The following ALPI variants were observed in gnomAD, a reference collection of about 807,000 sequenced individuals.
The protein encoded by ALPI is intestinal-type alkaline phosphatase.
Under a neutral mutation model 51.5 loss-of-function variants are expected in ALPI, and 50 were observed. The observed-to-expected ratio is 0.97, with a 90% confidence interval of 0.77 to 1.23. The LOEUF (loss-of-function observed/expected upper bound fraction) is 1.23. ALPI is among the 50% of genes most tolerant of loss of function. The pLI is 0.00. For synonymous variants in ALPI, 322 were observed against 308.2 expected (o/e 1.04, Z -0.47); for missense variants, 692 against 722.4 (o/e 0.96, Z 0.48).
chr2:232,457,329 C>T lies in ALPI; in HGVS notation c.648+7C>T, dbSNP rs536291111. On this transcript the variant is annotated splice_region_variant and intron_variant, in intron 5 of 10. Coordinates refer to ENST00000295463, the MANE Select transcript of ALPI (RefSeq NM_001631.5). This position sits in a 1 kb window ranked among gnomAD's most constrained non-coding sequence, Gnocchi z 4.7. ...CTCCAACATGGACATTGACGTGCGA[C>T]CCCCGGGCCAAGGGCTGGGGCTGGG... 4.4e-6 allele frequency: 7 copies of T among 1,596,190 alleles called. No homozygotes were observed. The highest frequency in any genetic ancestry group is 1.1e-5 in the South Asian group (1 of 87,168).
rs1690289209 is a variant in ALPI at position 232,460,386 on chromosome 2, G to A, written c.*1240G>A. 6.6e-6 allele frequency among the ~76,000 whole-genome samples: 1 copy of A among 151,922 alleles called. No homozygotes were observed. The highest frequency in any genetic ancestry group is 2.1e-4 in the South Asian group (1 of 4,810). Reference sequence around the variant, plus strand: ...GTGACCTGCCCTGGTTGGGAAATAAGCACTCTGGCTGCTGCCAGGAGAAGG... The same window carrying A: ...GTGACCTGCCCTGGTTGGGAAATAAACACTCTGGCTGCTGCCAGGAGAAGG... On this transcript the variant is annotated 3_prime_UTR_variant, in exon 11 of 11. Transcript: ENST00000295463.
At position 232,457,196 on chromosome 2, in the gene ALPI, G is replaced by A. The variant is rs144872496; in HGVS notation, c.522G>A (p.Ser174=). The A allele has an allele frequency of 1.6e-4, 264 of 1,613,438 alleles. No homozygotes were observed. The highest frequency in any genetic ancestry group is 1.2e-3 in the Middle Eastern group (7 of 6,048). Residue 174 remains serine (S), a synonymous_variant, in exon 5 of 11, where the codon TCG becomes TCA. Coordinates refer to ENST00000295463, the MANE Select transcript of ALPI (RefSeq NM_001631.5). The surrounding 1 kb of genome is among the most constrained non-coding windows in gnomAD (Gnocchi z 4.7). ...VVTTTRVQHA[S]PAGTYAHTVN... ...CCACCACACGGGTGCAGCACGCCTC[G>A]CCAGCCGGCACCTACGCACACACAG...
In ALPI at chr2:232,459,086, C is replaced by A. The variant is rs754755606; in HGVS notation, c.1527C>A (p.Ala509=). 22 of 1,542,334 alleles carry A rather than the reference C, an allele frequency of 1.4e-5. No individual in the cohort carries two copies. The highest frequency in any genetic ancestry group is 1.2e-4 in the South Asian group (10 of 83,990). The change falls in exon 11 of 11, where the codon GCC becomes GCA. Residue 509 remains alanine, a synonymous_variant. Coordinates refer to ENST00000295463, the MANE Select transcript of ALPI (RefSeq NM_001631.5). ...CCACCGACGCCGCGCACCCAGTTGC[C>A]GCGTCGCTGCCACTGCTGGCCGGGA... ...ACTTDAAHPV[A]ASLPLLAGTL... is the part of the protein sequence containing the mutation.
Position 232,458,119 on chromosome 2 carries a change from C to A in ALPI, c.978C>A (p.Tyr326Ter), listed in dbSNP as rs1173478901. The change falls in exon 8 of 11, where the codon TAC (tyrosine) becomes TAA (stop). Residue 326 changes from tyrosine to a stop codon, truncating the protein, a stop_gained. Transcript: ENST00000295463. LOFTEE classifies it high-confidence loss of function. The stretch of plus-strand genomic sequence containing the variant: ...TGAGCAGGAACCCCCGCGGCTTCTA[C>A]CTCTTTGTGGAGGGTGCGTGGTGGC... ...RLLSRNPRGF[Y>*]LFVEGGRIDH... 6 of 1,614,024 alleles carry A rather than the reference C, an allele frequency of 3.7e-6. No homozygotes were observed. The Admixed American group carries it at 1.0e-4, about 27-fold the overall frequency.
Position 232,457,340 on chromosome 2 carries a change from A to C in ALPI, c.648+18A>C. 1 of 1,590,434 alleles carries C rather than the reference A, an allele frequency of 6.3e-7. No homozygotes were observed. The highest frequency in any genetic ancestry group is 8.6e-7 in the Non-Finnish European group (1 of 1,168,034). ...ACATTGACGTGCGACCCCCGGGCCA[A>C]GGGCTGGGGCTGGGCAGAGGGGAAG... is the stretch of plus-strand genomic sequence containing the variant. On this transcript the variant is annotated intron_variant, in intron 5 of 10. Coordinates refer to ENST00000295463, the MANE Select transcript of ALPI (RefSeq NM_001631.5). The surrounding 1 kb of genome is among the most constrained non-coding windows in gnomAD (Gnocchi z 4.7).
rs61732026 is a variant in ALPI, at chr2:232,456,379, G to A, written c.98G>A (p.Arg33His). ...AEEENPAFWNRQAAEALDAAK... is the reference protein window; with the variant it reads ...AEEENPAFWNHQAAEALDAAK... ...GAGGAGAACCCGGCCTTCTGGAACCGCCAGGCAGCTGAGGCCCTGGATGCT... is the reference window on the plus strand; with the variant it reads ...GAGGAGAACCCGGCCTTCTGGAACCACCAGGCAGCTGAGGCCCTGGATGCT... The change falls in exon 2 of 11, where the codon CGC becomes CAC. Residue 33 changes from arginine (R) to histidine (H), a missense_variant. Coordinates refer to ENST00000295463, the MANE Select transcript of ALPI (RefSeq NM_001631.5). The surrounding 1 kb of genome is among the most constrained non-coding windows in gnomAD (Gnocchi z 4.2). 10 of 1,614,026 alleles carry A rather than the reference G, an allele frequency of 6.2e-6. No individual in the cohort carries two copies. Among genetic ancestry groups the A allele is most frequent in the Middle Eastern group, 1.6e-4 (1 of 6,062 alleles).
chr2:232,459,523 G>T lies in ALPI; in HGVS notation c.*377G>T. ...ATCCTAAGGAAGACCAAGCAGGCCT[G>T]GACCCAGAGACGTCCCCCATCGTGG... On this transcript the variant is annotated 3_prime_UTR_variant, in exon 11 of 11. Coordinates refer to ENST00000295463, the MANE Select transcript of ALPI (RefSeq NM_001631.5). 4.3e-6 allele frequency: 1 copy of T among 233,142 alleles called. No individual in the cohort carries two copies. The highest frequency in any genetic ancestry group is 8.3e-6 in the Non-Finnish European group (1 of 120,152). The allele number at this position is 233,142 out of a possible 1,614,324, so 14.4% of individuals were successfully genotyped here.
Position 232,458,627 on chromosome 2 carries a change from T to C in ALPI, c.1184-5T>C. 1 of 1,613,366 alleles carries C rather than the reference T, an allele frequency of 6.2e-7. No individual in the cohort carries two copies. The highest frequency in any genetic ancestry group is 1.7e-4 in the Middle Eastern group (1 of 6,060). On this transcript the variant is annotated splice_polypyrimidine_tract_variant and splice_region_variant and intron_variant, in intron 9 of 10. Transcript: ENST00000295463. The stretch of plus-strand genomic sequence containing the variant: ...TCAACTACAGGGACCCGCATCTCCC[T>C]ACAGGGTTGGCCCCCAGCAAGGCTC...
Position 232,457,155 on chromosome 2 carries a change from T to C in ALPI, c.481T>C (p.Ser161Pro), listed in dbSNP as rs1232159721. The C allele has an allele frequency of 1.2e-6, 2 of 1,613,158 alleles. No individual in the cohort carries two copies. Among genetic ancestry groups the C allele is most frequent in the South Asian group, 2.2e-5 (2 of 91,068 alleles). ...CTGACCTCTGTCACCCTCAGGAAAG[T>C]CAGTAGGAGTGGTGACCACCACACG... is the stretch of plus-strand genomic sequence containing the variant. ...VMNRAKQAGKSVGVVTTTRVQ... is the reference protein window; with the variant it reads ...VMNRAKQAGKPVGVVTTTRVQ... The change falls in exon 5 of 11, where the codon TCA (serine) becomes CCA (proline). Residue 161 changes from serine (S) to proline (P), a missense_variant. Physicochemically the swap from Ser to Pro is moderately conservative, Grantham distance 74 (BLOSUM62 -1). Transcript: ENST00000295463. This position sits in a 1 kb window ranked among gnomAD's most constrained non-coding sequence, Gnocchi z 4.7.
In ALPI at chr2:232,458,106, C is replaced by T. The variant is rs1207659360; in HGVS notation, c.965C>T (p.Pro322Leu). Residue 322 changes from proline (P) to leucine (L), a missense_variant, in exon 8 of 11, where the codon CCC (proline) becomes CTC (leucine). Pro to Leu is a moderately conservative substitution (Grantham distance 98). Coordinates refer to ENST00000295463, the MANE Select transcript of ALPI (RefSeq NM_001631.5). ...EAALRLLSRN[P>L]RGFYLFVEGG... ...GCCCTGCGCCTGCTGAGCAGGAACC[C>T]CCGCGGCTTCTACCTCTTTGTGGAG... 6.2e-7 allele frequency: 1 copy of T among 1,614,026 alleles called. No individual in the cohort carries two copies. The highest frequency in any genetic ancestry group is 1.1e-5 in the South Asian group (1 of 91,080).
In ALPI at chr2:232,457,770, C is replaced by A. The variant is rs1360582332; in HGVS notation, c.784-25C>A. The stretch of plus-strand genomic sequence containing the variant: ...AGTGTGTGGGTCTCAGGGCTGTGGG[C>A]TGAAGCCTGGCTCTGTCCCTGCAGG... On this transcript the variant is annotated intron_variant, in intron 6 of 10. Transcript: ENST00000295463. This position sits in a 1 kb window ranked among gnomAD's most constrained non-coding sequence, Gnocchi z 4.7. The A allele has an allele frequency of 6.2e-7, 1 of 1,613,382 alleles. No individual in the cohort carries two copies. Among genetic ancestry groups the A allele is most frequent in the East Asian group, 2.2e-5 (1 of 44,854 alleles).
rs762703199 is a variant in ALPI at position 232,457,045 on chromosome 2, C to T, written c.447C>T (p.Ile149=). 10 of 1,613,584 alleles carry T rather than the reference C, an allele frequency of 6.2e-6. No individual in the cohort carries two copies. In the East Asian group the frequency reaches 2.2e-4, roughly 36 times the overall value. ...ACACGACACGCGGCAATGAGGTCAT[C>T]TCCGTGATGAACCGGGCCAAGCAAG... ...QCNTTRGNEV[I]SVMNRAKQAG... is the part of the protein sequence containing the mutation. The change falls in exon 4 of 11, where the codon ATC becomes ATT. Residue 149 remains isoleucine, a synonymous_variant. Transcript: ENST00000295463. The surrounding 1 kb of genome is among the most constrained non-coding windows in gnomAD (Gnocchi z 4.7).
chr2:232,456,719 T>C lies in ALPI; in HGVS notation c.300+24T>C, dbSNP rs375512663. The C allele has an allele frequency of 6.3e-7, 1 of 1,575,442 alleles. No individual in the cohort carries two copies. The highest frequency in any genetic ancestry group is 1.2e-5 in the South Asian group (1 of 86,018). On this transcript the variant is annotated intron_variant, in intron 3 of 10. Coordinates refer to ENST00000295463, the MANE Select transcript of ALPI (RefSeq NM_001631.5). This position sits in a 1 kb window ranked among gnomAD's most constrained non-coding sequence, Gnocchi z 4.2. The stretch of plus-strand genomic sequence containing the variant: ...AGGTAAGGGCTGGGCCACCTCAGAG[T>C]CCTCCAAGCAGAGGAGAGGGATCAA...
rs777726761 is a variant in ALPI at position 232,456,510 on chromosome 2, G to A, written c.184+45G>A. ...CCAGCCCCGTAGTCCTCACAGCCCC[G>A]GCACCCGGGACCTTCAGTGGTTCCA... On this transcript the variant is annotated intron_variant, in intron 2 of 10. Transcript: ENST00000295463. The surrounding 1 kb of genome is among the most constrained non-coding windows in gnomAD (Gnocchi z 4.2). 5.3e-5 allele frequency: 85 copies of A among 1,611,776 alleles called. No homozygotes were observed. The highest frequency in any genetic ancestry group is 5.1e-4 in the East Asian group (23 of 44,846).
At chr2:232,458,780 A>G (rs1575069151) in intron 10 of ALPI, 32 bp downstream of exon 10, 14 of 1,612,228 alleles carry the variant, frequency 8.7e-6, no homozygotes, top group Non-Finnish European at 1.2e-5. Flanking sequence ...GTGCAGGGGG[A>G]CCAGGGTGCC....
In ALPI at chr2:232,459,015, T is replaced by A; in HGVS notation, c.1456T>A (p.Cys486Ser). 1.9e-6 allele frequency: 3 copies of A among 1,565,290 alleles called. No individual in the cohort carries two copies. Among genetic ancestry groups the A allele is most frequent in the Non-Finnish European group, 2.6e-6 (3 of 1,155,342 alleles). Residue 486 changes from cysteine (C) to serine (S), a missense_variant, in exon 11 of 11, where the codon TGT becomes AGT. Physicochemically the swap from Cys to Ser is moderately radical, Grantham distance 112 (BLOSUM62 -1). Transcript: ENST00000295463. Reference protein sequence around the residue: ...FVAHVMAFAACLEPYTACDLA... With the variant: ...FVAHVMAFAASLEPYTACDLA... ...AGCGCATGTCATGGCCTTCGCTGCC[T>A]GTCTGGAGCCCTACACGGCCTGCGA...
Position 232,458,900 on chromosome 2 carries a change from G to A in ALPI, c.1341G>A (p.Ser447=). 1 of 1,610,582 alleles carries A rather than the reference G, an allele frequency of 6.2e-7. No homozygotes were observed. ...AGCAGCAGGCGGCGGTGCCCCTGTC[G>A]TCCGAGACCCACGGAGGCGAAGACG... is the stretch of plus-strand genomic sequence containing the variant. The part of the protein sequence containing the change: ...DYQQQAAVPL[S]SETHGGEDVA... Residue 447 remains serine (S), a synonymous_variant, in exon 11 of 11, where the codon TCG becomes TCA. Transcript: ENST00000295463.
intron 10 of ALPI, 24 bp downstream of exon 10, chr2:232,458,772 G>A: frequency 6.2e-7 from 1 of 1,613,248 alleles, no homozygotes; most frequent in Non-Finnish European, 8.5e-7. Flanking sequence ...AATGGCCCGT[G>A]CAGGGGGACC....
chr2:232,456,806 G>C lies in ALPI; in HGVS notation c.301-93G>C. 1 of 1,566,156 alleles carries C rather than the reference G, an allele frequency of 6.4e-7. No homozygotes were observed. The highest frequency in any genetic ancestry group is 8.7e-7 in the Non-Finnish European group (1 of 1,154,834). On this transcript the variant is annotated intron_variant, in intron 3 of 10. Coordinates refer to ENST00000295463, the MANE Select transcript of ALPI (RefSeq NM_001631.5). This position sits in a 1 kb window ranked among gnomAD's most constrained non-coding sequence, Gnocchi z 4.2. ...AGCTGGGGCCTAAGTTAGGAGCTGG[G>C]AGCAGTTAGGATCCCAGAGGACCAG...
Sources: gnomAD v4.1 joint callset for allele counts (sites outside exome capture counted in the v4.1 genomes callset) on GRCh38, gnomAD v4.1.1 for gene constraint, Gnocchi (gnomAD v3.1) non-coding constraint, MANE v1.5 for transcripts, NCBI Gene and HGNC (gene_info 2026-07-23, HGNC 2026-07-21) for gene names.